Variants in NKAIN2 observed in about 807,000 individuals in gnomAD.
NKAIN2 encodes sodium/potassium transporting ATPase interacting 2.
Under a neutral mutation model 32.6 loss-of-function variants are expected in NKAIN2, and 14 were observed. The observed-to-expected ratio is 0.43, with a 90% confidence interval of 0.28 to 0.67. The LOEUF (loss-of-function observed/expected upper bound fraction) is 0.67, where lower values mean the gene tolerates loss of function less well. Among genes scored for constraint, NKAIN2 ranks in the 30% least tolerant of loss-of-function variants. The pLI is 0.17. For synonymous variants in NKAIN2, 80 were observed against 87.2 expected (o/e 0.92, Z 0.46); for missense variants, 198 against 258.3 (o/e 0.77, Z 1.60).
intron 3 of NKAIN2, among the ~76,000 whole-genome samples, chr6:124,390,021 T>C (rs1184634707): frequency 6.6e-6 from 1 of 152,052 alleles, no homozygotes; most frequent in Non-Finnish European, 1.5e-5. Context: ...TAGGTTATGT[T>C]AGCACACTCA....
chr6:124,103,396 G>C (rs1043959680), intron 1 of NKAIN2, among the ~76,000 whole-genome samples: 1 of 152,108 alleles, frequency 6.6e-6, no homozygotes, highest in African/African-American at 2.4e-5. Flanking sequence ...GAACTATATA[G>C]CAGTCCTGTG....
intron 5 of NKAIN2, among the ~76,000 whole-genome samples, chr6:124,810,805 C>T (rs1318850169): frequency 6.6e-6 from 1 of 151,758 alleles, no homozygotes; most frequent in Non-Finnish European, 1.5e-5. Context: ...CATTTCATTC[C>T]ATGTATGCTT....
At chr6:124,749,399 AG>A (rs1400902827) in intron 4 of NKAIN2, among the ~76,000 whole-genome samples, 2 of 151,986 alleles carry the variant, frequency 1.3e-5, no homozygotes, top group East Asian at 3.9e-4. Context: ...CGCAGGTTAT[AG>A]GGACTAGGGG....
chr6:124,786,555 A>G (rs1490225544), intron 4 of NKAIN2, among the ~76,000 whole-genome samples: 1 of 152,164 alleles, frequency 6.6e-6, no homozygotes, highest in Admixed American at 6.6e-5. Context: ...AAGAATTTTA[A>G]TCTGATTTAG....
intron 3 of NKAIN2, among the ~76,000 whole-genome samples, chr6:124,593,093 C>T (rs879382048): frequency 5.9e-5 from 9 of 152,068 alleles, no homozygotes; most frequent in Non-Finnish European, 1.0e-4. Flanking sequence ...ACTTGTAAAC[C>T]TTTAATATTT....
At chr6:123,845,951 A>G (rs1420076410) in intron 1 of NKAIN2, among the ~76,000 whole-genome samples, 3 of 152,020 alleles carry the variant, frequency 2.0e-5, no homozygotes, top group Non-Finnish European at 4.4e-5. Flanking sequence ...AATACTCTAT[A>G]TTTTTATTAC....
chr6:124,121,253 A>G (rs1785864738), intron 1 of NKAIN2, among the ~76,000 whole-genome samples: 1 of 152,094 alleles, frequency 6.6e-6, no homozygotes, highest in African/African-American at 2.4e-5. Context: ...CAGAGTGTTG[A>G]GACGATTTTC....
intron 5 of NKAIN2, among the ~76,000 whole-genome samples, chr6:124,792,272 T>G (rs987809943): frequency 6.6e-6 from 1 of 152,156 alleles, no homozygotes; most frequent in Non-Finnish European, 1.5e-5. Context: ...TATGGTGATT[T>G]GAGGGAAACA....
intron 1 of NKAIN2, among the ~76,000 whole-genome samples, chr6:123,896,703 T>C (rs1323015721): frequency 6.6e-6 from 1 of 152,186 alleles, no homozygotes; most frequent in Non-Finnish European, 1.5e-5. Context: ...CAATCCACTA[T>C]GTAAATGTTA....
intron 1 of NKAIN2, among the ~76,000 whole-genome samples, chr6:124,262,211 G>C (rs1794287042): frequency 6.6e-6 from 1 of 152,074 alleles, no homozygotes; most frequent in Non-Finnish European, 1.5e-5. Context: ...AATCATTTTT[G>C]AATGCCAAAT....
At chr6:124,285,467 G>A (rs1445651797) in intron 2 of NKAIN2, among the ~76,000 whole-genome samples, 1 of 151,982 alleles carries the variant, frequency 6.6e-6, no homozygotes, top group Non-Finnish European at 1.5e-5. Flanking sequence ...AATTGTTCTG[G>A]CAGTAAATTC....
intron 1 of NKAIN2, among the ~76,000 whole-genome samples, chr6:124,184,394 A>C (rs548093482): frequency 1.3e-4 from 20 of 152,042 alleles, no homozygotes; most frequent in South Asian, 8.3e-4. Context: ...ATCCCTCCTT[A>C]TGTTTTAGCC....
chr6:124,622,475 T>C (rs1783142872), intron 3 of NKAIN2, among the ~76,000 whole-genome samples: 1 of 152,160 alleles, frequency 6.6e-6, no homozygotes, highest in Admixed American at 6.5e-5. Context: ...AGTGTTACAA[T>C]GCTCTCTTAG....
intron 2 of NKAIN2, among the ~76,000 whole-genome samples, chr6:124,331,524 G>A (rs1170848576): frequency 3.4e-5 from 4 of 118,548 alleles, no homozygotes; most frequent in East Asian, 4.7e-4. Context: ...GCGAGACTCC[G>A]TCTCAAAAAA....
chr6:124,669,961 A>G (rs1773016496), intron 4 of NKAIN2, among the ~76,000 whole-genome samples: 1 of 151,834 alleles, frequency 6.6e-6, no homozygotes, highest in Admixed American at 6.6e-5. Context: ...AAATATCATC[A>G]TCCCCATTTC....
intron 1 of NKAIN2, among the ~76,000 whole-genome samples, chr6:124,107,537 G>T (rs751496716): frequency 3.3e-5 from 5 of 151,936 alleles, no homozygotes; most frequent in African/African-American, 9.7e-5. Context: ...GATATATTAT[G>T]GTTTAAAAAA....
intron 3 of NKAIN2, among the ~76,000 whole-genome samples, chr6:124,392,295 G>C (rs61130502): frequency 0.017 from 2,544 of 152,106 alleles, 52 homozygotes; most frequent in African/African-American, 0.059. Flanking sequence ...GTAATATTCA[G>C]TACCTAATAC....
chr6:124,754,535 A>C (rs1431604921), intron 4 of NKAIN2, among the ~76,000 whole-genome samples: 1 of 152,106 alleles, frequency 6.6e-6, no homozygotes, highest in East Asian at 1.9e-4. Flanking sequence ...TGTGGAAAAC[A>C]AGTTCAACAT....
chr6:123,906,792 A>G (rs1433401846), intron 1 of NKAIN2, among the ~76,000 whole-genome samples: 2 of 152,306 alleles, frequency 1.3e-5, no homozygotes, highest in East Asian at 3.9e-4. Flanking sequence ...TTGTCCATCA[A>G]ACTACTTGAC....
Sources: gnomAD v4.1 joint callset for allele counts (sites outside exome capture counted in the v4.1 genomes callset) on GRCh38, gnomAD v4.1.1 for gene constraint, MANE v1.5 for transcripts, NCBI Gene and HGNC (gene_info 2026-07-23, HGNC 2026-07-21) for gene names.